Variants in KLC1 observed in about 807,000 individuals in gnomAD.
KLC1 encodes kinesin 2 60/70kDa.
In KLC1, 30 loss-of-function variants were observed where a neutral mutation model predicts 84.2. That is an observed-to-expected ratio of 0.36 (90% CI 0.27 to 0.48). The LOEUF is 0.48. Among genes scored for constraint, KLC1 ranks in the 20% least tolerant of loss-of-function variants. The pLI is 0.99. For missense variants in KLC1, 499 were observed against 805.4 expected (o/e 0.62, Z 4.60); for synonymous variants, 289 against 293.3 (o/e 0.99, Z 0.15).
At chr14:103,663,079 CA>C (rs2079423729) in intron 5 of KLC1, 152 bp downstream of exon 5, 1 of 533,340 alleles carries the variant, frequency 1.9e-6, no homozygotes, top group South Asian at 3.5e-5. Flanking sequence ...AAATATTTAG[CA>C]AGCTTTTTTT....
chr14:103,656,347 T>C (rs1488552416), intron 2 of KLC1, among the ~76,000 whole-genome samples: 1 of 152,206 alleles, frequency 6.6e-6, no homozygotes, highest in Non-Finnish European at 1.5e-5. Flanking sequence ...TTCATATCTT[T>C]GACTAACCTT....
At chr14:103,695,428 G>GT in intron 15 of KLC1, 1 of 984,862 alleles carries the variant, frequency 1.0e-6, no homozygotes, top group Non-Finnish European at 1.2e-6. Flanking sequence ...AAAAAGGGGG[G>GT]TGTAGAGCAG....
intron 15 of KLC1, chr14:103,695,991 C>T: frequency 2.0e-6 from 2 of 985,384 alleles, no homozygotes; most frequent in African/African-American, 3.5e-5. Context: ...AAGTGGTGGG[C>T]CCAGGCATCC....
intron 1 of KLC1, among the ~76,000 whole-genome samples, chr14:103,647,822 G>A (rs2078064098): frequency 6.7e-6 from 1 of 149,456 alleles, no homozygotes; most frequent in South Asian, 2.1e-4. Flanking sequence ...GTTGCATTGA[G>A]CCGAGATTGT....
At chr14:103,639,869 C>G (rs2077353918) in intron 1 of KLC1, among the ~76,000 whole-genome samples, 1 of 152,152 alleles carries the variant, frequency 6.6e-6, no homozygotes, top group South Asian at 2.1e-4. Flanking sequence ...AGTGATACAC[C>G]TCAGCCTCCT....
At chr14:103,646,129 C>T (rs996977093) in intron 1 of KLC1, among the ~76,000 whole-genome samples, 2 of 152,160 alleles carry the variant, frequency 1.3e-5, no homozygotes, top group East Asian at 1.9e-4. Flanking sequence ...TTATACTGCA[C>T]ATGACTGTAT....
intron 13 of KLC1, chr14:103,683,696 A>T (rs1325471435): frequency 6.6e-6 from 1 of 152,102 alleles, no homozygotes; most frequent in Non-Finnish European, 1.5e-5. Context: ...CAGCTGCACC[A>T]CCTTTGTCTG....
chr14:103,680,345 C>T (rs2081252328), intron 13 of KLC1, among the ~76,000 whole-genome samples: 1 of 150,282 alleles, frequency 6.7e-6, no homozygotes, highest in African/African-American at 2.5e-5. Flanking sequence ...GAATTGAAGG[C>T]GGCATTTGAC....
At chr14:103,677,591 A>G in intron 12 of KLC1, 68 bp downstream of exon 12, 1 of 855,910 alleles carries the variant, frequency 1.2e-6, no homozygotes, top group Non-Finnish European at 2.0e-6. Context: ...TTTTACATGA[A>G]TTTTATTGAA....
At chr14:103,680,892 T>C (rs2151771324) in intron 13 of KLC1, among the ~76,000 whole-genome samples, 1 of 152,352 alleles carries the variant, frequency 6.6e-6, no homozygotes. Context: ...TAGGTCCATG[T>C]TGACATGAAA....
intron 15 of KLC1, chr14:103,695,456 C>A: frequency 1.0e-6 from 1 of 984,622 alleles, no homozygotes; most frequent in African/African-American, 1.8e-5. Flanking sequence ...TGACAGGTGC[C>A]GTGGCTGCCC....
At chr14:103,684,723 C>T (rs60701960) in intron 13 of KLC1, 25,829 of 443,774 alleles carry the variant, frequency 0.058, 873 homozygotes, top group Middle Eastern at 0.1. Context: ...TGTGTGCACG[C>T]GTGTGTGTGT....
rs1239205922 is a variant in KLC1, at chr14:103,662,132, A to G, written c.509A>G (p.Asp170Gly). ...DISPSEDKDT[D>G]STKEPLDDLF... ...GTTTTATAGGAGGACAAAGACACTG[A>G]TTCTACCAAAGAGCCTCTGGATGAC... is the stretch of plus-strand genomic sequence containing the variant. The change falls in exon 4 of 17, where the codon GAT becomes GGT. Residue 170 changes from aspartate to glycine, a missense_variant. By Grantham distance (94) the Asp-to-Gly change is moderately conservative. Coordinates refer to ENST00000334553, the MANE Select transcript of KLC1 (RefSeq NM_001394837.1). 2 of 1,613,878 alleles carry G rather than the reference A, an allele frequency of 1.2e-6. No individual in the cohort carries two copies. Among genetic ancestry groups the G allele is most frequent in the Non-Finnish European group, 1.7e-6 (2 of 1,179,750 alleles).
At chr14:103,653,466 C>T (rs536055945) in intron 1 of KLC1, among the ~76,000 whole-genome samples, 3 of 152,318 alleles carry the variant, frequency 2.0e-5, no homozygotes, top group Non-Finnish European at 4.4e-5. Context: ...GGACCACAGG[C>T]GTGTGCCAGC....
chr14:103,691,147 TC>T (rs1296544471), intron 14 of KLC1, among the ~76,000 whole-genome samples: 32 of 127,622 alleles, frequency 2.5e-4, no homozygotes, highest in African/African-American at 8.1e-4. Context: ...CCCAGATGGT[TC>T]CCCCCACTTT....
intron 15 of KLC1, chr14:103,695,183 C>T (rs1214954118): frequency 1.0e-5 from 9 of 878,068 alleles, no homozygotes; most frequent in African/African-American, 1.8e-5. Context: ...TGGCTGGGTG[C>T]GGTGGTTCAT....
chr14:103,699,528 G>C (rs779189770), intron 15 of KLC1: 10 of 1,613,326 alleles, frequency 6.2e-6, no homozygotes, highest in Non-Finnish European at 8.5e-6. Flanking sequence ...GCCATGCCCC[G>C]AGACAGCAGT....
At chr14:103,646,209 C>T (rs1195432189) in intron 1 of KLC1, among the ~76,000 whole-genome samples, 1 of 152,142 alleles carries the variant, frequency 6.6e-6, no homozygotes, top group Non-Finnish European at 1.5e-5. Context: ...TTAAAATTCC[C>T]AAGGCCTTCT....
chr14:103,644,797 G>T lies in KLC1; in HGVS notation c.-1-9767G>T, dbSNP rs542275036. Among the ~76,000 whole-genome samples the T allele has an allele frequency of 1.9e-4, 29 of 152,222 alleles. 1 individual carries two copies. In the South Asian group the frequency reaches 6.0e-3, roughly 32 times the overall value. ...TCACCAAAATATTTTAATTTTCTTAGGACAATTTTTTTGGGGGGTCAAGTT... is the reference window on the plus strand; with the variant it reads ...TCACCAAAATATTTTAATTTTCTTATGACAATTTTTTTGGGGGGTCAAGTT... On this transcript the variant is annotated intron_variant, in intron 1 of 16. Transcript: ENST00000334553.
Sources: gnomAD v4.1 joint callset for allele counts (sites outside exome capture counted in the v4.1 genomes callset) on GRCh38, gnomAD v4.1.1 for gene constraint, MANE v1.5 for transcripts, NCBI Gene and HGNC (gene_info 2026-07-23, HGNC 2026-07-21) for gene names.